The following TSPAN18 variants were observed in gnomAD, a reference collection of about 807,000 sequenced individuals.
The protein encoded by TSPAN18 is tetraspanin 18, also known as tetraspanin-18.
A neutral mutation model predicts 27.3 loss-of-function variants in TSPAN18; 14 were observed. The observed-to-expected ratio is 0.51, with a 90% CI of 0.34 to 0.80. TSPAN18 has a LOEUF of 0.80. TSPAN18 is among the 30% of genes least tolerant of loss of function. The pLI, the probability that TSPAN18 is intolerant of heterozygous loss-of-function variation, is 0.01. For synonymous variants in TSPAN18, 143 were observed against 136.5 expected (o/e 1.05, Z -0.33); for missense variants, 268 against 323.9 (o/e 0.83, Z 1.32).
intron 3 of TSPAN18, among the ~76,000 whole-genome samples, chr11:44,905,042 C>T (rs958932699): frequency 3.9e-5 from 6 of 152,046 alleles, no homozygotes; most frequent in African/African-American, 9.7e-5. Context: ...ACAGTGGCTA[C>T]GATTATTACT....
intron 3 of TSPAN18, among the ~76,000 whole-genome samples, chr11:44,885,080 T>A (rs1043265066): frequency 6.6e-6 from 1 of 152,248 alleles, no homozygotes; most frequent in African/African-American, 2.4e-5. Context: ...TCTGGGTAGC[T>A]GTGATGGATA....
At position 44,758,712 on chromosome 11, in the gene TSPAN18, G is replaced by A. The variant is rs112466973; in HGVS notation, c.-239-5714G>A. 1.1e-3 allele frequency among the ~76,000 whole-genome samples: 162 copies of A among 152,264 alleles called. 1 individual carries two copies. The highest frequency in any genetic ancestry group is 3.6e-3 in the African/African-American group (148 of 41,532). On this transcript the variant is annotated intron_variant, in intron 1 of 9. Transcript: ENST00000520358. ...ATCCCTAGTTCAAGCCTGTGAGGTG[G>A]GACTATGGTTGTCCACACTTTGCAG...
chr11:44,730,525 G>A (rs1854626900), intron 1 of TSPAN18, among the ~76,000 whole-genome samples: 1 of 152,042 alleles, frequency 6.6e-6, no homozygotes, highest in Admixed American at 6.6e-5. Flanking sequence ...TGATGCCATT[G>A]AGCAAATGTA....
Position 44,884,153 on chromosome 11 carries a change from G to A in TSPAN18, c.-10-22254G>A, listed in dbSNP as rs532243012. Among the ~76,000 whole-genome samples the A allele has an allele frequency of 7.9e-4, 120 of 152,160 alleles. 1 individual carries two copies. The highest frequency in any genetic ancestry group is 5.9e-5 in the Non-Finnish European group (4 of 68,018). On this transcript the variant is annotated intron_variant, in intron 3 of 9. Coordinates refer to ENST00000520358, the MANE Select transcript of TSPAN18 (RefSeq NM_130783.5). ...CCCTGCCCCTTCTAATTGCTATTGG[G>A]CCTCAGCAGAGCAGGGAAGAGACCT... is the stretch of plus-strand genomic sequence containing the variant.
chr11:44,866,698 A>C (rs1273951204), intron 3 of TSPAN18, among the ~76,000 whole-genome samples: 1 of 152,138 alleles, frequency 6.6e-6, no homozygotes, highest in African/African-American at 2.4e-5. Flanking sequence ...GATCTCCAGA[A>C]ACACTCTCCA....
At chr11:44,759,699 A>G (rs1408383193) in intron 1 of TSPAN18, among the ~76,000 whole-genome samples, 5 of 152,068 alleles carry the variant, frequency 3.3e-5, no homozygotes, top group African/African-American at 7.2e-5. Context: ...CTACCCATCC[A>G]TCCATTTCTC....
At position 44,931,941 on chromosome 11, in the gene TSPAN18, A is replaced by G. The variant is rs1860581707; in HGVS notation, c.*2763A>G. ...GAACAAGAAGACTACACCGCTCATC[A>G]CAAACCCTGCCTGTATCGAAAGCCA... On this transcript the variant is annotated 3_prime_UTR_variant, in exon 10 of 10. Coordinates refer to ENST00000520358, the MANE Select transcript of TSPAN18 (RefSeq NM_130783.5). 6.6e-6 allele frequency: 1 copy of G among 152,262 alleles called. No homozygotes were observed. The highest frequency in any genetic ancestry group is 2.1e-4 in the South Asian group (1 of 4,826). 9.4% of individuals were successfully genotyped at this position (152,262 alleles called of 1,614,324 possible). A position where few individuals can be genotyped will look rare whatever the true frequency, so the allele number is the denominator to read the frequency against.
chr11:44,896,647 C>T (rs781113999), intron 3 of TSPAN18, among the ~76,000 whole-genome samples: 4 of 152,146 alleles, frequency 2.6e-5, no homozygotes, highest in African/African-American at 4.8e-5. Flanking sequence ...TCTGCACTCC[C>T]CCAAGACTAG....
At chr11:44,775,821 T>G (rs935112535) in intron 2 of TSPAN18, among the ~76,000 whole-genome samples, 11 of 152,166 alleles carry the variant, frequency 7.2e-5, no homozygotes, top group Non-Finnish European at 1.5e-4. Context: ...GCTTTCAGGG[T>G]GATAAAAATA....
At chr11:44,866,860 A>G (rs835744) in intron 3 of TSPAN18, among the ~76,000 whole-genome samples, 52,614 of 152,160 alleles carry the variant, frequency 0.35, 10,814 homozygotes, top group Non-Finnish European at 0.45. Context: ...TAGGACCCAA[A>G]GACTTGGCCA....
At chr11:44,814,651 A>AATCCATCC (rs545778262) in intron 2 of TSPAN18, among the ~76,000 whole-genome samples, 23 of 146,550 alleles carry the variant, frequency 1.6e-4, no homozygotes, top group African/African-American at 5.6e-4. Context: ...TTGGTGGTAG[A>AATCCATCC]ATCCATCCAT....
chr11:44,781,419 G>A (rs2134952165), intron 2 of TSPAN18, among the ~76,000 whole-genome samples: 1 of 152,334 alleles, frequency 6.6e-6, no homozygotes, highest in South Asian at 2.1e-4. Context: ...TTGGAAAACT[G>A]GACTGTTACC....
chr11:44,823,054 A>G (rs926706683), intron 2 of TSPAN18, among the ~76,000 whole-genome samples: 2 of 152,166 alleles, frequency 1.3e-5, no homozygotes, highest in African/African-American at 4.8e-5. Context: ...TGAGCTGCTG[A>G]TGTTACTATC....
At chr11:44,748,826 A>G (rs972027630) in intron 1 of TSPAN18, among the ~76,000 whole-genome samples, 3 of 152,196 alleles carry the variant, frequency 2.0e-5, no homozygotes, top group Non-Finnish European at 2.9e-5. Context: ...CCTGCACCAC[A>G]TCCACCAGAA....
In TSPAN18 at chr11:44,919,282, C is replaced by T; in HGVS notation, c.402C>T (p.Phe134=). 1 of 1,614,106 alleles carries T rather than the reference C, an allele frequency of 6.2e-7. No individual in the cohort carries two copies. Among genetic ancestry groups the T allele is most frequent in the Non-Finnish European group, 8.5e-7 (1 of 1,180,000 alleles). Residue 134 remains phenylalanine, a synonymous_variant, in exon 7 of 10, where the codon TTC becomes TTT. Coordinates refer to ENST00000520358, the MANE Select transcript of TSPAN18 (RefSeq NM_130783.5). ...HYQGNNDTDV[F]SATWNSVMIT... is the part of the protein sequence containing the mutation. Reference sequence around the variant, plus strand: ...AGGGCAATAACGACACAGACGTCTTCTCTGCCACCTGGAACTCGGTCATGA... The same window carrying T: ...AGGGCAATAACGACACAGACGTCTTTTCTGCCACCTGGAACTCGGTCATGA...
chr11:44,744,605 C>T (rs1328008845), intron 1 of TSPAN18, among the ~76,000 whole-genome samples: 2 of 152,176 alleles, frequency 1.3e-5, no homozygotes, highest in East Asian at 3.9e-4. Context: ...GCAAAAAACC[C>T]AAACCTAATG....
intron 2 of TSPAN18, among the ~76,000 whole-genome samples, chr11:44,834,621 G>A (rs1857226774): frequency 6.6e-6 from 1 of 152,180 alleles, no homozygotes. Context: ...AGGGGGTTAG[G>A]CAGGCAGGCT....
chr11:44,790,528 G>A (rs1856188793), intron 2 of TSPAN18, among the ~76,000 whole-genome samples: 1 of 149,752 alleles, frequency 6.7e-6, no homozygotes, highest in Non-Finnish European at 1.5e-5. Context: ...TTTTTGGTGT[G>A]TGCATGTGTG....
chr11:44,861,110 G>A (rs1029052475), intron 3 of TSPAN18, among the ~76,000 whole-genome samples: 1 of 152,070 alleles, frequency 6.6e-6, no homozygotes, highest in African/African-American at 2.4e-5. Context: ...CACCACATCC[G>A]TGTCCTCTGC....
Sources: gnomAD v4.1 joint callset for allele counts (sites outside exome capture counted in the v4.1 genomes callset) on GRCh38, gnomAD v4.1.1 for gene constraint, MANE v1.5 for transcripts, NCBI Gene and HGNC (gene_info 2026-07-23, HGNC 2026-07-21) for gene names.